Variants in LRP1B observed in about 807,000 individuals in gnomAD.
LRP1B encodes the protein LDL receptor related protein 1B.
A neutral mutation model predicts 556.6 loss-of-function variants in LRP1B; 217 were observed. The observed-to-expected ratio is 0.39, with a 90% CI of 0.35 to 0.44. The LOEUF (loss-of-function observed/expected upper bound fraction) is 0.44. Ranked by LOEUF, LRP1B falls within the 20% of genes least tolerant of loss-of-function variation. LRP1B has a pLI of 1.00. For synonymous variants in LRP1B, 2,047 were observed against 1,865.8 expected (o/e 1.10, Z -2.50); for missense variants, 5,053 against 5,620.8 (o/e 0.90, Z 3.23).
intron 3 of LRP1B, among the ~76,000 whole-genome samples, chr2:141,475,412 A>G (rs1682661865): frequency 6.6e-6 from 1 of 152,124 alleles, no homozygotes; most frequent in Non-Finnish European, 1.5e-5. Flanking sequence ...GTAATCTAAC[A>G]GGGATGTGAA....
At chr2:141,581,232 G>T (rs1424741967) in intron 2 of LRP1B, among the ~76,000 whole-genome samples, 1 of 152,112 alleles carries the variant, frequency 6.6e-6, no homozygotes, top group East Asian at 1.9e-4. Context: ...TAATGGAAAA[G>T]ATTTCTGCTT....
At chr2:140,501,589 G>T in intron 55 of LRP1B, 98 bp downstream of exon 55, 3 of 789,834 alleles carry the variant, frequency 3.8e-6, no homozygotes, top group Non-Finnish European at 5.6e-6. Context: ...TTAATATTAT[G>T]ATGGCTTTTA....
rs752723449 is a variant in LRP1B, at chr2:141,188,524, C to T, written c.910G>A (p.Gly304Ser). 5.0e-6 allele frequency: 8 copies of T among 1,612,646 alleles called. No individual in the cohort carries two copies. Among genetic ancestry groups the T allele is most frequent in the Middle Eastern group, 1.7e-4 (1 of 6,052 alleles). ...GAATTACAAACAAAGATCCGGTCAC[C>T]GACATGGTCCACAAAATAGAGATTT... Reference protein sequence around the residue: ...TRNLYFVDHVGDRIFVCNSNG... With the variant: ...TRNLYFVDHVSDRIFVCNSNG... Residue 304 changes from glycine (G) to serine (S), a missense_variant, in exon 7 of 91, where the codon GGT becomes AGT. Coordinates refer to ENST00000389484, the MANE Select transcript of LRP1B (RefSeq NM_018557.3).
At chr2:141,659,470 A>G (rs1574206586) in intron 2 of LRP1B, among the ~76,000 whole-genome samples, 1 of 152,274 alleles carries the variant, frequency 6.6e-6, no homozygotes, top group East Asian at 1.9e-4. Context: ...TTTTGCAGTT[A>G]GACTCAATGT....
intron 2 of LRP1B, among the ~76,000 whole-genome samples, chr2:141,782,900 T>C (rs1223507371): frequency 1.9e-4 from 29 of 152,050 alleles, no homozygotes; most frequent in Non-Finnish European, 4.4e-5. Context: ...GGATGCTTTT[T>C]CTTTTAGGGA....
chr2:141,403,968 G>A (rs949839773), intron 3 of LRP1B, among the ~76,000 whole-genome samples: 1 of 152,128 alleles, frequency 6.6e-6, no homozygotes, highest in African/African-American at 2.4e-5. Flanking sequence ...TCCAAAGAAT[G>A]AGAAGGCATT....
At chr2:140,258,653 G>A (rs1371631217) in intron 86 of LRP1B, among the ~76,000 whole-genome samples, 1 of 151,976 alleles carries the variant, frequency 6.6e-6, no homozygotes. Flanking sequence ...ACAATATTCT[G>A]TGTTCTTTAT....
intron 3 of LRP1B, among the ~76,000 whole-genome samples, chr2:141,480,051 T>C (rs1417382977): frequency 6.6e-6 from 1 of 152,172 alleles, no homozygotes; most frequent in African/African-American, 2.4e-5. Flanking sequence ...TATAACACGA[T>C]GTGATATCAA....
chr2:141,990,712 A>G (rs890752541), intron 1 of LRP1B, among the ~76,000 whole-genome samples: 6 of 152,002 alleles, frequency 3.9e-5, no homozygotes, highest in Non-Finnish European at 8.8e-5. Flanking sequence ...AATGCATACA[A>G]TATTTAAGAG....
chr2:140,620,001 C>A (rs901174832), intron 41 of LRP1B, among the ~76,000 whole-genome samples: 1 of 152,088 alleles, frequency 6.6e-6, no homozygotes, highest in Non-Finnish European at 1.5e-5. Flanking sequence ...AAGTTTAATG[C>A]AATCAGAATA....
chr2:141,181,713 T>C (rs1285333729), intron 7 of LRP1B, among the ~76,000 whole-genome samples: 1 of 151,936 alleles, frequency 6.6e-6, no homozygotes, highest in African/African-American at 2.4e-5. Flanking sequence ...CACTCCAAGT[T>C]TCCCTGTTGT....
intron 32 of LRP1B, among the ~76,000 whole-genome samples, chr2:140,801,403 A>C (rs1004511294): frequency 6.6e-6 from 1 of 152,158 alleles, no homozygotes; most frequent in Non-Finnish European, 1.5e-5. Flanking sequence ...GCATAATTAC[A>C]TAAAGAAGGA....
At chr2:141,163,924 G>C (rs1276748198) in intron 7 of LRP1B, among the ~76,000 whole-genome samples, 1 of 151,856 alleles carries the variant, frequency 6.6e-6, no homozygotes, top group African/African-American at 2.4e-5. Flanking sequence ...TTAAATATTT[G>C]GATATATTCT....
At chr2:140,610,489 A>AT (rs1683031119) in intron 41 of LRP1B, among the ~76,000 whole-genome samples, 1 of 152,360 alleles carries the variant, frequency 6.6e-6, no homozygotes, top group East Asian at 1.9e-4. Flanking sequence ...ATGAGAGCAC[A>AT]AACTCTGGTT....
At chr2:140,780,336 T>C (rs1218868459) in intron 32 of LRP1B, among the ~76,000 whole-genome samples, 1 of 152,178 alleles carries the variant, frequency 6.6e-6, no homozygotes, top group Admixed American at 6.5e-5. Context: ...AGAGGAATTT[T>C]CCTGAAGTGT....
intron 31 of LRP1B, among the ~76,000 whole-genome samples, chr2:140,830,846 A>C (rs1691689455): frequency 6.6e-6 from 1 of 152,128 alleles, no homozygotes; most frequent in Non-Finnish European, 1.5e-5. Flanking sequence ...ATTAGAACTG[A>C]TAAACAAATT....
At chr2:142,026,033 C>CA in intron 1 of LRP1B, among the ~76,000 whole-genome samples, 1 of 152,036 alleles carries the variant, frequency 6.6e-6, no homozygotes, top group Non-Finnish European at 1.5e-5. Context: ...TCAAAGCAGA[C>CA]ATGAGCTGGG....
intron 1 of LRP1B, among the ~76,000 whole-genome samples, chr2:141,892,574 AT>A (rs1699322754): frequency 6.6e-6 from 1 of 152,064 alleles, no homozygotes; most frequent in South Asian, 2.1e-4. Flanking sequence ...TAATAATAAT[AT>A]TTCCTATATA....
chr2:141,554,974 G>C (rs895911136), intron 2 of LRP1B, among the ~76,000 whole-genome samples: 1 of 151,930 alleles, frequency 6.6e-6, no homozygotes, highest in Admixed American at 6.6e-5. Flanking sequence ...TCGTTCTTGG[G>C]AACTGCGTAA....
Sources: gnomAD v4.1 joint callset for allele counts (sites outside exome capture counted in the v4.1 genomes callset) on GRCh38, gnomAD v4.1.1 for gene constraint, MANE v1.5 for transcripts, NCBI Gene and HGNC (gene_info 2026-07-23, HGNC 2026-07-21) for gene names.